FBXL13: variants seen among roughly 807,000 people sequenced by gnomAD.
The protein encoded by FBXL13 is F-box and leucine-rich repeat protein 13.
FBXL13 carries 67 observed loss-of-function variants against 83.6 expected under a neutral mutation model. The observed-to-expected ratio is 0.80, with a 90% CI of 0.66 to 0.98. The LOEUF is 0.98. FBXL13 is among the 50% of genes least tolerant of loss of function. FBXL13 has a pLI of 0.00. For missense variants in FBXL13, 822 were observed against 866.5 expected, an observed-to-expected ratio of 0.95 and a Z score of 0.64; for synonymous variants, 272 against 299.5, an observed-to-expected ratio of 0.91 and a Z score of 0.95.
chr7:103,018,628 G>A (rs891912088), intron 6 of FBXL13, among the ~76,000 whole-genome samples: 1 of 151,950 alleles, frequency 6.6e-6, no homozygotes, highest in African/African-American at 2.4e-5. Context: ...GATGGAGGAA[G>A]ATCTACCAAG....
intron 17 of FBXL13, among the ~76,000 whole-genome samples, chr7:102,854,568 T>C (rs1805752439): frequency 6.6e-6 from 1 of 152,252 alleles, no homozygotes; most frequent in Admixed American, 6.5e-5. Flanking sequence ...TTACATGTTA[T>C]AACAATATCA....
At chr7:102,938,155 C>T (rs574855741) in intron 8 of FBXL13, among the ~76,000 whole-genome samples, 2 of 152,156 alleles carry the variant, frequency 1.3e-5, no homozygotes, top group African/African-American at 2.4e-5. Context: ...TTGAGGTAAA[C>T]GGATTTGTCA....
chr7:103,068,802 A>G (rs774596306), intron 1 of FBXL13, among the ~76,000 whole-genome samples: 35 of 152,226 alleles, frequency 2.3e-4, no homozygotes, highest in Non-Finnish European at 4.3e-4. Flanking sequence ...GGGAGTGTTC[A>G]CACAGGAGGC....
At chr7:102,829,206 C>T (rs572899817) in intron 18 of FBXL13, among the ~76,000 whole-genome samples, 1 of 152,332 alleles carries the variant, frequency 6.6e-6, no homozygotes, top group African/African-American at 2.4e-5. Flanking sequence ...TTTCCTGAGC[C>T]TTGGGAAACA....
At chr7:102,975,609 T>A (rs1192714480) in intron 6 of FBXL13, among the ~76,000 whole-genome samples, 1 of 152,084 alleles carries the variant, frequency 6.6e-6, no homozygotes, top group Non-Finnish European at 1.5e-5. Context: ...TCACCCAAGG[T>A]CCTAACGAAA....
At chr7:102,834,293 T>C (rs1801443927) in intron 17 of FBXL13, among the ~76,000 whole-genome samples, 1 of 149,912 alleles carries the variant, frequency 6.7e-6, no homozygotes, top group Admixed American at 6.6e-5. Flanking sequence ...CCTCAGTAAA[T>C]GGTAGTTTAC....
chr7:102,877,946 T>C (rs141637345), intron 15 of FBXL13, among the ~76,000 whole-genome samples: 1 of 152,162 alleles, frequency 6.6e-6, no homozygotes, highest in East Asian at 1.9e-4. Flanking sequence ...ACAGGAATTG[T>C]ACAAGACCTC....
chr7:103,011,167 T>G (rs771408347), intron 6 of FBXL13, among the ~76,000 whole-genome samples: 5 of 152,222 alleles, frequency 3.3e-5, no homozygotes, highest in Non-Finnish European at 7.3e-5. Context: ...ATTGCCCTAG[T>G]TCCCTAGCAA....
intron 11 of FBXL13, among the ~76,000 whole-genome samples, chr7:102,906,624 T>C (rs1813792428): frequency 6.6e-6 from 1 of 152,230 alleles, no homozygotes. Context: ...CATACTATTC[T>C]AGGGTAAAAG....
chr7:102,929,949 C>A (rs1818872062), intron 9 of FBXL13, among the ~76,000 whole-genome samples: 1 of 150,146 alleles, frequency 6.7e-6, no homozygotes, highest in African/African-American at 2.5e-5. Context: ...GGTCAATAAA[C>A]AAAGAGAATG....
At chr7:102,946,245 A>G (rs1412336304) in intron 8 of FBXL13, among the ~76,000 whole-genome samples, 1 of 152,234 alleles carries the variant, frequency 6.6e-6, no homozygotes, top group Non-Finnish European at 1.5e-5. Context: ...GCTACTTCTA[A>G]TTCTCACAAA....
chr7:102,827,326 A>G (rs1453053435), intron 18 of FBXL13, among the ~76,000 whole-genome samples: 1 of 152,164 alleles, frequency 6.6e-6, no homozygotes, highest in Admixed American at 6.5e-5. Context: ...CTCCTTGGGC[A>G]ACCCTGGGGC....
chr7:102,977,134 A>G (rs1827586461), intron 6 of FBXL13, among the ~76,000 whole-genome samples: 1 of 152,186 alleles, frequency 6.6e-6, no homozygotes. Flanking sequence ...GGCCCCTGCA[A>G]TGGATCATCG....
At chr7:102,822,448 C>A in intron 18 of FBXL13, 2 of 629,068 alleles carry the variant, frequency 3.2e-6, no homozygotes, top group Non-Finnish European at 5.9e-6. Flanking sequence ...TATCTTCTCA[C>A]ATGGCAGAGA....
At chr7:103,011,857 C>A (rs544689603) in intron 6 of FBXL13, among the ~76,000 whole-genome samples, 2 of 151,982 alleles carry the variant, frequency 1.3e-5, no homozygotes, top group South Asian at 4.2e-4. Context: ...TGTAAACAGA[C>A]CAAATCTATG....
chr7:102,991,114 C>A (rs1422830670), intron 6 of FBXL13, among the ~76,000 whole-genome samples: 1 of 152,034 alleles, frequency 6.6e-6, no homozygotes, highest in South Asian at 2.1e-4. Flanking sequence ...CACTAATAGA[C>A]AATGAGTGCC....
rs114367987 is a variant in FBXL13, at chr7:102,966,094, A to G, written c.591+1928T>C. Among the ~76,000 whole-genome samples the G allele has an allele frequency of 9.5e-3, 1,447 of 152,318 alleles. 27 individuals are homozygous for G. Among genetic ancestry groups the G allele is most frequent in the African/African-American group, 0.033 (1,389 of 41,574 alleles). On this transcript the variant is annotated intron_variant, in intron 7 of 19. Transcript: ENST00000313221. ...TGGACAACATCCCATTCTTGGTTGC[A>G]CTACTCTCACTCTGTGCAACAATGG...
intron 8 of FBXL13, among the ~76,000 whole-genome samples, chr7:102,955,625 AT>A (rs1207521738): frequency 2.0e-5 from 3 of 151,992 alleles, no homozygotes; most frequent in Non-Finnish European, 4.4e-5. Flanking sequence ...GATCAACAGA[AT>A]TGACAGACTG....
At chr7:102,906,511 C>T (rs1584870422) in intron 11 of FBXL13, among the ~76,000 whole-genome samples, 1 of 152,122 alleles carries the variant, frequency 6.6e-6, no homozygotes, top group South Asian at 2.1e-4. Flanking sequence ...TGAAGTACTC[C>T]CTTTAGCATT....
Sources: gnomAD v4.1 joint callset for allele counts (sites outside exome capture counted in the v4.1 genomes callset) on GRCh38, gnomAD v4.1.1 for gene constraint, MANE v1.5 for transcripts, NCBI Gene and HGNC (gene_info 2026-07-23, HGNC 2026-07-21) for gene names.